Variants in MAGI2 observed in about 807,000 individuals in gnomAD.
The protein encoded by MAGI2 is membrane-associated guanylate kinase, WW and PDZ domain-containing protein 2.
MAGI2 carries 35 observed loss-of-function variants against 133.3 expected under a neutral mutation model. The observed-to-expected ratio is 0.26, with a 90% confidence interval of 0.20 to 0.35. MAGI2 has a LOEUF of 0.35. MAGI2 is among the 10% of genes least tolerant of loss of function. MAGI2 has a pLI of 1.00. For synonymous variants in MAGI2, 729 were observed against 710.6 expected (o/e 1.03, Z -0.41); for missense variants, 1,636 against 1,863.4 (o/e 0.88, Z 2.25).
chr7:78,461,359 A>G (rs1361219882), intron 6 of MAGI2, among the ~76,000 whole-genome samples: 2 of 150,068 alleles, frequency 1.3e-5, no homozygotes, highest in Non-Finnish European at 3.0e-5. Context: ...TAAAAATACA[A>G]AAAAGAAAAT....
At chr7:78,093,127 C>G (rs1301430831) in intron 20 of MAGI2, among the ~76,000 whole-genome samples, 1 of 114,782 alleles carries the variant, frequency 8.7e-6, no homozygotes. Flanking sequence ...CAGAGCGGGA[C>G]TCCTTCTCCA....
chr7:78,569,209 GTTCA>G (rs2150761929), intron 3 of MAGI2, among the ~76,000 whole-genome samples: 1 of 151,736 alleles, frequency 6.6e-6, no homozygotes, highest in Non-Finnish European at 1.5e-5. Context: ...TTTGTTTTTT[GTTCA>G]TTTATTCATT....
chr7:79,451,731 G>T (rs1849269427), intron 1 of MAGI2, among the ~76,000 whole-genome samples: 1 of 152,116 alleles, frequency 6.6e-6, no homozygotes. Context: ...TGATTAAGCG[G>T]CAAAATGCAG....
At chr7:78,340,428 A>G (rs1790245215) in intron 9 of MAGI2, among the ~76,000 whole-genome samples, 1 of 152,212 alleles carries the variant, frequency 6.6e-6, no homozygotes, top group African/African-American at 2.4e-5. Context: ...ACAATAGAAA[A>G]TGAGGGAATC....
intron 2 of MAGI2, among the ~76,000 whole-genome samples, chr7:78,805,075 T>C (rs866082312): frequency 4.0e-5 from 6 of 149,450 alleles, no homozygotes; most frequent in African/African-American, 1.5e-4. Flanking sequence ...CAAAAAAAAA[T>C]AAAAAAATAA....
At chr7:78,267,451 A>G (rs763742245) in intron 9 of MAGI2, among the ~76,000 whole-genome samples, 14 of 152,174 alleles carry the variant, frequency 9.2e-5, no homozygotes, top group Non-Finnish European at 1.8e-4. Flanking sequence ...TTGATTGTTC[A>G]AACTTGGACC....
intron 16 of MAGI2, among the ~76,000 whole-genome samples, chr7:78,142,362 T>C (rs1431366819): frequency 6.6e-6 from 1 of 152,130 alleles, no homozygotes; most frequent in Non-Finnish European, 1.5e-5. Context: ...TAAATGAGAA[T>C]ATGTTACAGC....
At chr7:78,759,149 G>A (rs1236153481) in intron 2 of MAGI2, among the ~76,000 whole-genome samples, 4 of 151,826 alleles carry the variant, frequency 2.6e-5, no homozygotes, top group East Asian at 1.9e-4. Flanking sequence ...TTTTTAAAGC[G>A]ATTAATGTCA....
chr7:78,396,266 GA>G (rs1280931156), intron 6 of MAGI2, among the ~76,000 whole-genome samples: 5 of 152,008 alleles, frequency 3.3e-5, no homozygotes, highest in South Asian at 2.1e-4. Context: ...TGTGATTCAG[GA>G]AAAAAATCCA....
chr7:78,283,305 TG>T (rs1227046095), intron 9 of MAGI2, among the ~76,000 whole-genome samples: 1 of 152,148 alleles, frequency 6.6e-6, no homozygotes, highest in Non-Finnish European at 1.5e-5. Context: ...ATGAAGTACA[TG>T]TTATTCTGTA....
At chr7:78,596,171 A>G (rs868582994) in intron 3 of MAGI2, among the ~76,000 whole-genome samples, 8 of 52,862 alleles carry the variant, frequency 1.5e-4, no homozygotes, top group Non-Finnish European at 1.9e-4. Flanking sequence ...GGGAGGGAAG[A>G]AATGAAGGAA....
At chr7:78,154,869 GA>G (rs1824232966) in intron 16 of MAGI2, among the ~76,000 whole-genome samples, 1 of 152,130 alleles carries the variant, frequency 6.6e-6, no homozygotes, top group Non-Finnish European at 1.5e-5. Flanking sequence ...GAGGACCAAG[GA>G]TTGGCCTGAC....
At chr7:78,547,027 C>T (rs896143270) in intron 3 of MAGI2, among the ~76,000 whole-genome samples, 2 of 152,200 alleles carry the variant, frequency 1.3e-5, no homozygotes, top group South Asian at 4.1e-4. Context: ...TAAGTTCTCA[C>T]TTAATGTTGT....
At chr7:78,203,112 T>G (rs1418777817) in intron 10 of MAGI2, among the ~76,000 whole-genome samples, 1 of 152,216 alleles carries the variant, frequency 6.6e-6, no homozygotes, top group African/African-American at 2.4e-5. Flanking sequence ...ATAGCACTTT[T>G]GCGAAAAGAT....
chr7:78,127,446 G>C (rs1165681312), intron 18 of MAGI2, 30 bp from the exon 19 acceptor site: 2 of 1,546,370 alleles, frequency 1.3e-6, no homozygotes, highest in Non-Finnish European at 1.8e-6. Context: ...ATTTGCTTTT[G>C]TAACTCTGCA....
At chr7:79,152,091 G>T (rs978387053) in intron 1 of MAGI2, among the ~76,000 whole-genome samples, 1 of 152,118 alleles carries the variant, frequency 6.6e-6, no homozygotes, top group African/African-American at 2.4e-5. Flanking sequence ...ATAATGTGTG[G>T]TTTATCATTC....
chr7:78,540,761 C>T (rs12673761), intron 3 of MAGI2, among the ~76,000 whole-genome samples: 50,867 of 151,934 alleles, frequency 0.33, 9,616 homozygotes, highest in Non-Finnish European at 0.42. Flanking sequence ...CTTTAGGGGC[C>T]GGGAGTGCCT....
chr7:79,281,840 A>G (rs1835667907), intron 1 of MAGI2, among the ~76,000 whole-genome samples: 1 of 152,144 alleles, frequency 6.6e-6, no homozygotes, highest in Non-Finnish European at 1.5e-5. Context: ...TATGAAACAG[A>G]GTTAGAGAAT....
At chr7:79,050,025 C>T (rs1216186726) in intron 1 of MAGI2, among the ~76,000 whole-genome samples, 1 of 152,158 alleles carries the variant, frequency 6.6e-6, no homozygotes, top group Admixed American at 6.5e-5. Flanking sequence ...TTTCCCTGCA[C>T]ATTTTGTTTT....
Sources: allele counts gnomAD v4.1 joint callset (sites outside exome capture counted in the v4.1 genomes callset), GRCh38; gene constraint gnomAD v4.1.1; transcripts MANE v1.5; gene names NCBI Gene and HGNC (gene_info 2026-07-23, HGNC 2026-07-21).